GOLGB1: variants seen among roughly 807,000 people sequenced by gnomAD.
GOLGB1 encodes the protein golgin B1.
In GOLGB1, 174 loss-of-function variants were observed where a neutral mutation model predicts 336.9. The ratio of observed to expected loss-of-function variants is 0.52; its 90% CI spans 0.46 to 0.59. GOLGB1 has a LOEUF of 0.59. Among genes scored for constraint, GOLGB1 ranks in the 20% least tolerant of loss-of-function variants. The pLI is 0.00. For synonymous variants in GOLGB1, 1,208 were observed against 1,289.2 expected, an observed-to-expected ratio of 0.94 and a Z score of 1.35; for missense variants, 3,331 against 3,645.3, an observed-to-expected ratio of 0.91 and a Z score of 2.22.
intron 2 of GOLGB1, 31 bp from the exon 3 acceptor site, chr3:121,730,048 C>G: frequency 1.3e-6 from 2 of 1,556,930 alleles, no homozygotes; most frequent in Non-Finnish European, 1.8e-6. Context: ...TGCCAGTGCA[C>G]CAGGAAAAGG....
In GOLGB1 at chr3:121,694,674, G is replaced by A; in HGVS notation, c.5849C>T (p.Thr1950Ile). ...TAGCTCATTTTTTATTTGGGCATCT[G>A]TAACATCCTGACAGTAATTCCCAAT... Reference protein sequence around the residue: ...GSIGNYCQDVTDAQIKNELLE... With the variant: ...GSIGNYCQDVIDAQIKNELLE... The change falls in exon 13 of 22, where the codon ACA becomes ATA. Residue 1950 changes from threonine to isoleucine, a missense_variant. Coordinates refer to ENST00000614479, the MANE Select transcript of GOLGB1 (RefSeq NM_001366282.2). 1 of 1,611,132 alleles carries A rather than the reference G, an allele frequency of 6.2e-7. No homozygotes were observed. Among genetic ancestry groups the A allele is most frequent in the Non-Finnish European group, 8.5e-7 (1 of 1,179,578 alleles).
Position 121,693,945 on chromosome 3 carries a change from G to A in GOLGB1, c.6578C>T (p.Ala2193Val). The part of the protein sequence containing the change: ...ENLDSTVTQL[A>V]AFTKSMSSLQ... ...GGAAGACATGCTCTTAGTAAAGGCT[G>A]CAAGCTGGGTCACAGTACTGTCCAA... The change falls in exon 13 of 22, where the codon GCA becomes GTA. Residue 2193 changes from alanine to valine, a missense_variant. Ala to Val is a moderately conservative substitution (Grantham distance 64, BLOSUM62 0). Transcript: ENST00000614479. The A allele has an allele frequency of 6.2e-7, 1 of 1,613,976 alleles. No individual in the cohort carries two copies. The highest frequency in any genetic ancestry group is 2.2e-5 in the East Asian group (1 of 44,880).
intron 11 of GOLGB1, among the ~76,000 whole-genome samples, 177 bp downstream of exon 11, chr3:121,702,304 C>T (rs765579061): frequency 7.9e-5 from 12 of 152,166 alleles, no homozygotes; most frequent in Non-Finnish European, 1.2e-4. Flanking sequence ...TATGTAAACA[C>T]TGATACTATG....
chr3:121,671,445 T>A (rs1215497384), intron 17 of GOLGB1, among the ~76,000 whole-genome samples: 1 of 152,202 alleles, frequency 6.6e-6, no homozygotes, highest in Non-Finnish European at 1.5e-5. Context: ...AAATTCCTTA[T>A]ATATAATGGC....
chr3:121,685,533 CTAAA>C (rs113841968), intron 14 of GOLGB1, among the ~76,000 whole-genome samples: 5,271 of 145,588 alleles, frequency 0.036, 147 homozygotes, highest in African/African-American at 0.091. Flanking sequence ...GACTCTGTTT[CTAAA>C]TAAATAAATA....
chr3:121,697,502 T>C lies in GOLGB1; in HGVS notation c.3021A>G (p.Arg1007=), dbSNP rs765974913. 6.2e-7 allele frequency: 1 copy of C among 1,611,870 alleles called. No homozygotes were observed. The highest frequency in any genetic ancestry group is 8.5e-7 in the Non-Finnish European group (1 of 1,179,534). Residue 1007 remains arginine, a synonymous_variant, in exon 13 of 22, where the codon AGA becomes AGG. Transcript: ENST00000614479. ...TACTGACTCTTTGCAGAAGCTCCTT[T>C]CTGTTAATAAGAGCTGCCTGGAGCT... is the stretch of plus-strand genomic sequence containing the variant. The part of the protein sequence containing the change: ...KRKLQAALIN[R]KELLQRVSRL...
chr3:121,680,948 C>T lies in GOLGB1; in HGVS notation c.8873+739G>A, dbSNP rs549686392. Among the ~76,000 whole-genome samples, 12 of 152,316 alleles carry T rather than the reference C, an allele frequency of 7.9e-5. No individual in the cohort carries two copies. In the East Asian group the frequency reaches 2.3e-3, roughly 29 times the overall value. On this transcript the variant is annotated intron_variant, in intron 15 of 21. Transcript: ENST00000614479. ...GCAGTTTCTTAAAAAACAAAACATT[C>T]ACTTATTGTATGAGCTAGCATTTGC...
chr3:121,663,954 C>G lies in GOLGB1; in HGVS notation c.*526G>C, dbSNP rs970757979. 2 of 154,942 alleles carry G rather than the reference C, an allele frequency of 1.3e-5. No homozygotes were observed. Among genetic ancestry groups the G allele is most frequent in the African/African-American group, 4.8e-5 (2 of 41,460 alleles). 9.6% of individuals were successfully genotyped at this position (154,942 alleles called of 1,614,324 possible). ...CCTAGGGAGTTCCTTCAGCTTTCAC[C>G]ACCCTATTCTGCAAGAGACCTAAAT... is the stretch of plus-strand genomic sequence containing the variant. On this transcript the variant is annotated 3_prime_UTR_variant, in exon 22 of 22. Coordinates refer to ENST00000614479, the MANE Select transcript of GOLGB1 (RefSeq NM_001366282.2).
intron 5 of GOLGB1, among the ~76,000 whole-genome samples, chr3:121,725,613 A>C (rs1945528391): frequency 6.6e-6 from 1 of 152,154 alleles, no homozygotes; most frequent in Non-Finnish European, 1.5e-5. Context: ...ATGTGAGAAG[A>C]ATATGAGTTT....
intron 10 of GOLGB1, among the ~76,000 whole-genome samples, chr3:121,710,870 G>C (rs1331223292): frequency 1.4e-5 from 2 of 143,026 alleles, no homozygotes; most frequent in Non-Finnish European, 3.1e-5. Flanking sequence ...AAAAAAATAA[G>C]TAAAATTTTA....
In GOLGB1 at chr3:121,665,048, A is replaced by T; in HGVS notation, c.9555-17T>A. The T allele has an allele frequency of 7.1e-7, 1 of 1,413,822 alleles. No homozygotes were observed. The allele number at this position is 1,413,822 out of a possible 1,614,324, so 87.6% of individuals were successfully genotyped here. ...TGCTCTAACCTGAGTTGAGAAAAAA[A>T]AGAGGCATAGCATTGGTTCATAGCA... On this transcript the variant is annotated splice_polypyrimidine_tract_variant and intron_variant, in intron 20 of 21. Transcript: ENST00000614479.
intron 12 of GOLGB1, 50 bp from the exon 13 acceptor site, chr3:121,698,979 T>TA (rs779765204): frequency 2.2e-6 from 3 of 1,349,058 alleles, no homozygotes; most frequent in Non-Finnish European, 3.0e-6. Context: ...TTTATAACAT[T>TA]AAAAAAATAG....
chr3:121,693,253 G>A lies in GOLGB1; in HGVS notation c.6782+488C>T, dbSNP rs528014497. ...TGTAATCCCAGCACTTTGGGAGGCC[G>A]AGGTGGGTGGATCACCTGAGGTCAG... On this transcript the variant is annotated intron_variant, in intron 13 of 21. Coordinates refer to ENST00000614479, the MANE Select transcript of GOLGB1 (RefSeq NM_001366282.2). 2.9e-3 allele frequency among the ~76,000 whole-genome samples: 434 copies of A among 152,256 alleles called. 2 individuals carry two copies. The highest frequency in any genetic ancestry group is 9.9e-3 in the African/African-American group (411 of 41,558).
In GOLGB1 at chr3:121,744,718, T is replaced by C. The variant is rs539086799; in HGVS notation, c.-3+4914A>G. On this transcript the variant is annotated intron_variant, in intron 1 of 21. Coordinates refer to ENST00000614479, the MANE Select transcript of GOLGB1 (RefSeq NM_001366282.2). The stretch of plus-strand genomic sequence containing the variant: ...TTTCTCACATAACCATTTAAAAATA[T>C]GTACATTTTAAGAAAGGAAAGACTA... Among the ~76,000 whole-genome samples the C allele has an allele frequency of 2.0e-5, 3 of 151,828 alleles. No individual in the cohort carries two copies. The South Asian group carries it at 6.2e-4, about 32-fold the overall frequency.
intron 1 of GOLGB1, among the ~76,000 whole-genome samples, chr3:121,742,897 A>G (rs545865602): frequency 1.5e-3 from 228 of 152,386 alleles, no homozygotes; most frequent in African/African-American, 5.3e-3. Context: ...AGAGAAATGC[A>G]AATCCAAACT....
At position 121,695,289 on chromosome 3, in the gene GOLGB1, T is replaced by C. The variant is rs781341010; in HGVS notation, c.5234A>G (p.Lys1745Arg). 1.2e-6 allele frequency: 2 copies of C among 1,614,030 alleles called. No homozygotes were observed. Among genetic ancestry groups the C allele is most frequent in the South Asian group, 2.2e-5 (2 of 91,082 alleles). ...CTCAGACATTAAAGACTGAAACTTC[T>C]TAGAAAGGGTTTCATACTCCATTTT... is the stretch of plus-strand genomic sequence containing the variant. ...RVKMEYETLS[K>R]KFQSLMSEKD... The change falls in exon 13 of 22, where the codon AAG (lysine) becomes AGG (arginine). Residue 1745 changes from lysine to arginine, a missense_variant. Transcript: ENST00000614479.
intron 10 of GOLGB1, among the ~76,000 whole-genome samples, chr3:121,703,262 T>G (rs7647351): frequency 7.9e-5 from 12 of 152,042 alleles, no homozygotes; most frequent in African/African-American, 2.9e-4. Context: ...TACAGCATAT[T>G]TGACCCCGAA....
chr3:121,711,134 C>T (rs1344109214), intron 10 of GOLGB1, among the ~76,000 whole-genome samples: 1 of 152,088 alleles, frequency 6.6e-6, no homozygotes, highest in East Asian at 1.9e-4. Context: ...ATGGAGGCTG[C>T]AGTGAGCTGA....
At chr3:121,722,482 A>G (rs1424114142) in intron 5 of GOLGB1, 104 bp from the exon 6 acceptor site, 5 of 633,696 alleles carry the variant, frequency 7.9e-6, no homozygotes, top group East Asian at 2.7e-5. Context: ...AATGCCTACC[A>G]TATTTCCTTC....
Sources: gnomAD v4.1 joint callset for allele counts (sites outside exome capture counted in the v4.1 genomes callset) on GRCh38, gnomAD v4.1.1 for gene constraint, MANE v1.5 for transcripts, NCBI Gene and HGNC (gene_info 2026-07-23, HGNC 2026-07-21) for gene names.